BMPR1B: variants seen among roughly 807,000 people sequenced by gnomAD.
BMPR1B encodes bone morphogenetic protein receptor type 1B, also known as bone morphogenetic protein receptor type-1B.
Under a neutral mutation model 59.1 loss-of-function variants are expected in BMPR1B, and 12 were observed. The observed-to-expected ratio is 0.20, with a 90% CI of 0.13 to 0.33. The LOEUF (loss-of-function observed/expected upper bound fraction) is 0.33. Ranked by LOEUF, BMPR1B falls within the 10% of genes least tolerant of loss-of-function variation. The pLI is 1.00. For missense variants in BMPR1B, 550 were observed against 610.9 expected, an observed-to-expected ratio of 0.90 and a Z score of 1.05; for synonymous variants, 237 against 207.3, an observed-to-expected ratio of 1.14 and a Z score of -1.23.
At chr4:95,019,787 C>A (rs893151051) in intron 3 of BMPR1B, among the ~76,000 whole-genome samples, 4 of 152,068 alleles carry the variant, frequency 2.6e-5, no homozygotes, top group Admixed American at 1.3e-4. Context: ...AAGACTTGGT[C>A]CATGTTCATT....
intron 2 of BMPR1B, among the ~76,000 whole-genome samples, chr4:94,881,228 C>T (rs548335231): frequency 2.6e-5 from 4 of 152,222 alleles, no homozygotes; most frequent in South Asian, 4.1e-4. Flanking sequence ...TGGCAACCCC[C>T]ATTATGCTTA....
At chr4:95,005,109 C>G (rs963757926) in intron 3 of BMPR1B, among the ~76,000 whole-genome samples, 5 of 151,986 alleles carry the variant, frequency 3.3e-5, no homozygotes, top group Non-Finnish European at 5.9e-5. Flanking sequence ...ACTTGGGGAG[C>G]TGGTTTTGTG....
intron 1 of BMPR1B, among the ~76,000 whole-genome samples, chr4:94,836,519 C>G: frequency 6.8e-6 from 1 of 146,408 alleles, no homozygotes; most frequent in East Asian, 1.9e-4. Flanking sequence ...TGATGATGAG[C>G]ATTTTTTCAT....
At chr4:95,083,510 G>A (rs1729336519) in intron 3 of BMPR1B, among the ~76,000 whole-genome samples, 1 of 152,126 alleles carries the variant, frequency 6.6e-6, no homozygotes, top group Non-Finnish European at 1.5e-5. Context: ...GTGTGTTAGA[G>A]GGGAAAAGGA....
intron 6 of BMPR1B, among the ~76,000 whole-genome samples, chr4:95,117,683 G>T (rs944949603): frequency 1.3e-5 from 2 of 152,090 alleles, no homozygotes; most frequent in Non-Finnish European, 2.9e-5. Context: ...CTACTAGGGA[G>T]GCTAAGGTGG....
chr4:95,115,895 G>T, intron 6 of BMPR1B, 108 bp downstream of exon 6: 2 of 1,013,640 alleles, frequency 2.0e-6, no homozygotes, highest in South Asian at 2.6e-5. Flanking sequence ...TTCCACTGCT[G>T]GAGCAGAGCA....
At chr4:95,103,201 T>C (rs1185085959) in intron 3 of BMPR1B, among the ~76,000 whole-genome samples, 2 of 152,134 alleles carry the variant, frequency 1.3e-5, no homozygotes, top group Non-Finnish European at 2.9e-5. Context: ...TAATTCGTTA[T>C]ACATGCAGAA....
At chr4:95,044,861 G>A (rs1401664169) in intron 3 of BMPR1B, among the ~76,000 whole-genome samples, 1 of 152,106 alleles carries the variant, frequency 6.6e-6, no homozygotes, top group Non-Finnish European at 1.5e-5. Flanking sequence ...TGTACTGTGG[G>A]CTCTATTGTT....
rs540828890 is a variant in BMPR1B, at chr4:94,886,910, C to G, written c.-113+11010C>G. Among the ~76,000 whole-genome samples, 3 of 151,868 alleles carry G rather than the reference C, an allele frequency of 2.0e-5. No homozygotes were observed. The South Asian group carries it at 6.2e-4, about 32-fold the overall frequency. On this transcript the variant is annotated intron_variant, in intron 2 of 12. Transcript: ENST00000515059. ...AGATATACCTCAAATCTGAAAATAC[C>G]GAAAAAGAAACTGGGAAGATGGGAT...
chr4:94,990,613 A>G (rs1721673353), intron 2 of BMPR1B, among the ~76,000 whole-genome samples: 1 of 152,238 alleles, frequency 6.6e-6, no homozygotes, highest in Non-Finnish European at 1.5e-5. Flanking sequence ...GTGTAACTGA[A>G]GAAAGAAGAA....
At chr4:94,901,995 C>T (rs1209646097) in intron 2 of BMPR1B, among the ~76,000 whole-genome samples, 2 of 150,428 alleles carry the variant, frequency 1.3e-5, no homozygotes, top group Non-Finnish European at 3.0e-5. Flanking sequence ...GCTATACATA[C>T]TCTGGTTCAT....
chr4:94,956,316 C>T (rs1730138978), intron 2 of BMPR1B, among the ~76,000 whole-genome samples: 1 of 151,916 alleles, frequency 6.6e-6, no homozygotes, highest in Non-Finnish European at 1.5e-5. Flanking sequence ...GTGATCCTCC[C>T]ACCTCGGTCT....
Position 95,038,549 on chromosome 4 carries a change from G to T in BMPR1B, c.-18+42415G>T, listed in dbSNP as rs553401454. Reference sequence around the variant, plus strand: ...GTGAGGCCAAATCCTCTATTGAAAAGGCAGAGGAAAAATTATGATGAATAA... The same window carrying T: ...GTGAGGCCAAATCCTCTATTGAAAATGCAGAGGAAAAATTATGATGAATAA... On this transcript the variant is annotated intron_variant, in intron 3 of 12. Transcript: ENST00000515059. Among the ~76,000 whole-genome samples the T allele has an allele frequency of 7.0e-4, 107 of 152,176 alleles. No homozygotes were observed. In the Middle Eastern group the frequency reaches 0.01, roughly 15 times the overall value.
At chr4:95,127,701 G>A (rs368054304) in intron 8 of BMPR1B, among the ~76,000 whole-genome samples, 2 of 151,996 alleles carry the variant, frequency 1.3e-5, no homozygotes, top group East Asian at 3.9e-4. Flanking sequence ...GTCTCATGGC[G>A]CACAGGGCTC....
At chr4:94,818,981 T>A (rs894177151) in intron 1 of BMPR1B, among the ~76,000 whole-genome samples, 5 of 151,818 alleles carry the variant, frequency 3.3e-5, no homozygotes, top group Admixed American at 6.6e-5. Flanking sequence ...AAAAAATTTT[T>A]AAAAATTAAT....
At chr4:94,850,196 G>A (rs771791666) in intron 1 of BMPR1B, among the ~76,000 whole-genome samples, 14 of 151,962 alleles carry the variant, frequency 9.2e-5, no homozygotes, top group Non-Finnish European at 1.6e-4. Flanking sequence ...TCAGAGCAGG[G>A]GCTCTTCCTT....
intron 3 of BMPR1B, among the ~76,000 whole-genome samples, chr4:95,053,395 T>A (rs1356095940): frequency 1.3e-5 from 2 of 151,304 alleles, no homozygotes; most frequent in Non-Finnish European, 3.0e-5. Flanking sequence ...GGACCCAGAA[T>A]GCCTGGTTTT....
chr4:94,833,646 C>T (rs1724688090), intron 1 of BMPR1B, among the ~76,000 whole-genome samples: 1 of 152,178 alleles, frequency 6.6e-6, no homozygotes, highest in Admixed American at 6.5e-5. Flanking sequence ...CTTCCCCTGC[C>T]TAAGTTCAAT....
chr4:94,874,081 C>A (rs552579142), intron 1 of BMPR1B, among the ~76,000 whole-genome samples: 2 of 152,118 alleles, frequency 1.3e-5, no homozygotes, highest in East Asian at 3.8e-4. Flanking sequence ...GTTCATCCAT[C>A]TTGTAGCATG....
Sources: allele counts gnomAD v4.1 joint callset (sites outside exome capture counted in the v4.1 genomes callset), GRCh38; gene constraint gnomAD v4.1.1; transcripts MANE v1.5; gene names NCBI Gene and HGNC (gene_info 2026-07-23, HGNC 2026-07-21).